Variants in CRIP1 observed in about 807,000 individuals in gnomAD.
The protein encoded by CRIP1 is cysteine rich protein 1, also known as cysteine-rich protein 1.
Under a neutral mutation model 12.9 loss-of-function variants are expected in CRIP1, and 11 were observed. The observed-to-expected ratio is 0.86, with a 90% CI of 0.54 to 1.42. CRIP1 has a LOEUF of 1.42. CRIP1 is among the 40% of genes most tolerant of loss of function. CRIP1 has a pLI of 0.00. For missense variants in CRIP1, 122 were observed against 101.3 expected (o/e 1.20, Z -0.88); for synonymous variants, 41 against 37.2 (o/e 1.10, Z -0.37).
chr14:105,487,867 T>C, intron 2 of CRIP1: 1 of 447,654 alleles, frequency 2.2e-6, no homozygotes, highest in South Asian at 2.7e-5. Flanking sequence ...CCGCGACCCC[T>C]GACCCTCGGC....
chr14:105,487,295 C>T lies in CRIP1; in HGVS notation c.36C>T (p.Tyr12=). 1 of 1,543,296 alleles carries T rather than the reference C, an allele frequency of 6.5e-7. No homozygotes were observed. Among genetic ancestry groups the T allele is most frequent in the East Asian group, 2.5e-5 (1 of 40,220 alleles). Residue 12 remains tyrosine, a synonymous_variant, in exon 2 of 6, where the codon TAC becomes TAT. Coordinates refer to ENST00000392531, the MANE Select transcript of CRIP1 (RefSeq NM_001311.5). Reference sequence around the variant, plus strand: ...GTCCCAAGTGCAACAAGGAGGTGTACTTCGGTGAGCGCGCCCACACCGGCC... The same window carrying T: ...GTCCCAAGTGCAACAAGGAGGTGTATTTCGGTGAGCGCGCCCACACCGGCC... ...PKCPKCNKEV[Y]FAERVTSLGK... is the part of the protein sequence containing the mutation.
intron 5 of CRIP1, 39 bp downstream of exon 5, chr14:105,488,555 C>T (rs1555438601): frequency 4.5e-6 from 7 of 1,558,624 alleles, no homozygotes; most frequent in African/African-American, 4.1e-5. Flanking sequence ...CTCCTGGTTC[C>T]ACCCTCGGGA....
rs141808882 is a variant in CRIP1, at chr14:105,488,480, G to A, written c.203G>A (p.Arg68Gln). ...AAMFGPKGFG[R>Q]GGAESHTFK ...TCCACCTTCTCTGCAGGCTTTGGGC[G>A]GGGCGGAGCCGAGAGCCACACTTTC... is the stretch of plus-strand genomic sequence containing the variant. Residue 68 changes from arginine (R) to glutamine (Q), a missense_variant, in exon 5 of 6, where the codon CGG becomes CAG. Physicochemically the swap from Arg to Gln is conservative, Grantham distance 43. Coordinates refer to ENST00000392531, the MANE Select transcript of CRIP1 (RefSeq NM_001311.5). The A allele has an allele frequency of 4.4e-6, 7 of 1,606,426 alleles. No homozygotes were observed. Among genetic ancestry groups the A allele is most frequent in the Middle Eastern group, 4.5e-4 (2 of 4,442 alleles).
intron 2 of CRIP1, 114 bp from the exon 3 acceptor site, chr14:105,488,051 GC>G: frequency 9.3e-7 from 1 of 1,077,348 alleles, no homozygotes; most frequent in Non-Finnish European, 1.4e-6. Flanking sequence ...CTGGGCGGAT[GC>G]GGGCTAAGTG....
intron 5 of CRIP1, 65 bp from the exon 6 acceptor site, chr14:105,488,598 C>T: frequency 7.1e-7 from 1 of 1,413,812 alleles, no homozygotes; most frequent in South Asian, 1.3e-5. Context: ...GGCCTGACCA[C>T]TCGTGGGCCC....
At position 105,488,270 on chromosome 14, in the gene CRIP1, A is replaced by G; in HGVS notation, c.135+10A>G. 6 of 1,613,362 alleles carry G rather than the reference A, an allele frequency of 3.7e-6. No individual in the cohort carries two copies. Among genetic ancestry groups the G allele is most frequent in the Non-Finnish European group, 5.1e-6 (6 of 1,179,964 alleles). On this transcript the variant is annotated intron_variant, in intron 3 of 5. Coordinates refer to ENST00000392531, the MANE Select transcript of CRIP1 (RefSeq NM_001311.5). Reference sequence around the variant, plus strand: ...TGGGGGCCACGCTGAGGTAGGTGGGACCCACCCTGGTGGCAGGGGCCAGGG... The same window carrying G: ...TGGGGGCCACGCTGAGGTAGGTGGGGCCCACCCTGGTGGCAGGGGCCAGGG...
chr14:105,487,138 G>C, intron 1 of CRIP1, 61 bp from the exon 2 acceptor site: 1 of 1,430,846 alleles, frequency 7.0e-7, no homozygotes, highest in South Asian at 1.5e-5. Context: ...GAGGGGCGGG[G>C]TCTCCAAGGG....
At position 105,488,749 on chromosome 14, in the gene CRIP1, G is replaced by A. The variant is rs2084154397; in HGVS notation, c.*92G>A. ...GTCCCCAGATGCCCAGGGCTCCCTT[G>A]TTGCCCCTAATGCTCTCAGTAAACC... On this transcript the variant is annotated 3_prime_UTR_variant, in exon 6 of 6. Coordinates refer to ENST00000392531, the MANE Select transcript of CRIP1 (RefSeq NM_001311.5). The A allele has an allele frequency of 1.7e-6, 1 of 587,562 alleles. No homozygotes were observed. Among genetic ancestry groups the A allele is most frequent in the South Asian group, 2.2e-5 (1 of 45,786 alleles). 36.4% of individuals were successfully genotyped at this position (587,562 alleles called of 1,614,324 possible).
At position 105,488,876 on chromosome 14, in the gene CRIP1, G is replaced by A; in HGVS notation, c.*219G>A. ...GCAGCAGGCTCTGCCACCGGCGCCT[G>A]CTCTTCTGCTGCCCATTGCCCTCCC... On this transcript the variant is annotated 3_prime_UTR_variant, in exon 6 of 6. Coordinates refer to ENST00000392531, the MANE Select transcript of CRIP1 (RefSeq NM_001311.5). The A allele has an allele frequency of 3.3e-6, 1 of 304,074 alleles. No individual in the cohort carries two copies. 18.8% of individuals were successfully genotyped at this position (304,074 alleles called of 1,614,324 possible).
rs1258445304 is a variant in CRIP1 at position 105,487,518 on chromosome 14, G to A, written c.40+219G>A. On this transcript the variant is annotated intron_variant, in intron 2 of 5. Transcript: ENST00000392531. The stretch of plus-strand genomic sequence containing the variant: ...TGCTAGTGGTCTTGCTGTGCTCGGC[G>A]GGCTACCTCTGGCTCTGAGCCTCCC... 17 of 520,512 alleles carry A rather than the reference G, an allele frequency of 3.3e-5. No individual in the cohort carries two copies. The East Asian group carries it at 5.2e-4, about 16-fold the overall frequency. 32.2% of individuals were successfully genotyped at this position (520,512 alleles called of 1,614,324 possible). A position where few individuals can be genotyped will look rare whatever the true frequency, so the allele number is the denominator to read the frequency against.
chr14:105,488,053 G>A lies in CRIP1; in HGVS notation c.41-113G>A, dbSNP rs868955499. The A allele has an allele frequency of 3.9e-5, 44 of 1,115,698 alleles. 1 individual carries two copies. In the Middle Eastern group the frequency reaches 8.7e-4, roughly 22 times the overall value. The allele number at this position is 1,115,698 out of a possible 1,614,324, so 69.1% of individuals were successfully genotyped here. A position where few individuals can be genotyped will look rare whatever the true frequency, so the allele number is the denominator to read the frequency against. On this transcript the variant is annotated intron_variant, in intron 2 of 5. Transcript: ENST00000392531. ...GTGGGCTGCCAGGCTGGGCGGATGCGGGCTAAGTGCACAGGGCCTTGGGCA... is the reference window on the plus strand; with the variant it reads ...GTGGGCTGCCAGGCTGGGCGGATGCAGGCTAAGTGCACAGGGCCTTGGGCA...
At chr14:105,488,071 C>T in intron 2 of CRIP1, 95 bp from the exon 3 acceptor site, 3 of 1,371,808 alleles carry the variant, frequency 2.2e-6, no homozygotes, top group Non-Finnish European at 3.0e-6. Flanking sequence ...TGCACAGGGC[C>T]TTGGGCAGAG....
chr14:105,486,972 A>C lies in CRIP1; in HGVS notation c.-62A>C. 8.5e-7 allele frequency: 1 copy of C among 1,182,198 alleles called. No individual in the cohort carries two copies. Among genetic ancestry groups the C allele is most frequent in the Non-Finnish European group, 1.0e-6 (1 of 967,434 alleles). The allele number at this position is 1,182,198 out of a possible 1,614,324, so 73.2% of individuals were successfully genotyped here. On this transcript the variant is annotated splice_region_variant and 5_prime_UTR_variant, in exon 1 of 6. Coordinates refer to ENST00000392531, the MANE Select transcript of CRIP1 (RefSeq NM_001311.5). Reference sequence around the variant, plus strand: ...CTCGCCTAAAGAGCTGCGCCCTCTCAGTAAGTCCCCATGGCCCCCTGCCCC... The same window carrying C: ...CTCGCCTAAAGAGCTGCGCCCTCTCCGTAAGTCCCCATGGCCCCCTGCCCC...
At chr14:105,487,056 G>A in intron 1 of CRIP1, 84 bp downstream of exon 1, 1 of 1,361,622 alleles carries the variant, frequency 7.3e-7, no homozygotes, top group Non-Finnish European at 9.5e-7. Context: ...TGGACCAGAT[G>A]ATCTTTCTTG....
chr14:105,487,220 C>CA lies in CRIP1; in HGVS notation c.-40_-39insA. On this transcript the variant is annotated 5_prime_UTR_variant, in exon 2 of 6. Transcript: ENST00000392531. The stretch of plus-strand genomic sequence containing the variant: ...CCAGTCTCGCGCCTGCAGCCCGTGC[C>CA]GCCCCAGCCGCTGCCGCCTGCACCG... 1 of 1,540,160 alleles carries CA rather than the reference C, an allele frequency of 6.5e-7. No homozygotes were observed. The highest frequency in any genetic ancestry group is 2.5e-5 in the East Asian group (1 of 39,988).
At chr14:105,487,442 C>A in intron 2 of CRIP1, 143 bp downstream of exon 2, 1 of 672,244 alleles carries the variant, frequency 1.5e-6, no homozygotes, top group Non-Finnish European at 2.4e-6. Flanking sequence ...GCCGCCTGCC[C>A]CGGGATGAGG....
intron 2 of CRIP1, 39 bp downstream of exon 2, chr14:105,487,338 C>T (rs1555438249): frequency 1.3e-6 from 2 of 1,515,518 alleles, no homozygotes; most frequent in Admixed American, 2.0e-5. Flanking sequence ...GAGGCGCCGC[C>T]GACGGGGCGA....
rs587606939 is a variant in CRIP1, at chr14:105,488,431, C to T, written c.194-40C>T. On this transcript the variant is annotated intron_variant, in intron 4 of 5. Coordinates refer to ENST00000392531, the MANE Select transcript of CRIP1 (RefSeq NM_001311.5). ...CCACCCCACCCCACCCCACAGCCTC[C>T]TCCACCCCAGCCTGTTGACTTTTTC... is the stretch of plus-strand genomic sequence containing the variant. 2.3e-4 allele frequency: 373 copies of T among 1,600,642 alleles called. 3 individuals are homozygous for T. The South Asian group carries it at 3.8e-3, about 16-fold the overall frequency.
In CRIP1 at chr14:105,488,501, C is replaced by G. The variant is rs1555438585; in HGVS notation, c.224C>G (p.Thr75Ser). 1 of 1,600,034 alleles carries G rather than the reference C, an allele frequency of 6.2e-7. No homozygotes were observed. The highest frequency in any genetic ancestry group is 8.5e-7 in the Non-Finnish European group (1 of 1,172,994). ...GGGCGGGGCGGAGCCGAGAGCCACA[C>G]TTTCAAGTAAACCAGGTAGGTAGGA... is the stretch of plus-strand genomic sequence containing the variant. Reference protein sequence around the residue: ...GFGRGGAESHTFK With the variant: ...GFGRGGAESHSFK Residue 75 changes from threonine to serine, a missense_variant, in exon 5 of 6, where the codon ACT (threonine) becomes AGT (serine). Physicochemically the swap from Thr to Ser is moderately conservative, Grantham distance 58. Transcript: ENST00000392531.
Sources: gnomAD v4.1 joint callset for allele counts on GRCh38, gnomAD v4.1.1 for gene constraint, MANE v1.5 for transcripts, NCBI Gene and HGNC (gene_info 2026-07-23, HGNC 2026-07-21) for gene names.